UGT1A8: variants seen among roughly 807,000 people sequenced by gnomAD.
UGT1A8 encodes the protein UDP-glucuronosyltransferase 1A8.
UGT1A8 carries 39 observed loss-of-function variants against 45.3 expected under a neutral mutation model. The observed-to-expected ratio is 0.86, with a 90% CI of 0.67 to 1.12. UGT1A8 has a LOEUF of 1.12. Ranked by LOEUF, UGT1A8 falls within the 50% of genes most tolerant of loss-of-function variation. UGT1A8 has a pLI of 0.00. For missense variants in UGT1A8, 719 were observed against 664.9 expected (o/e 1.08, Z -0.90); for synonymous variants, 275 against 249.2 (o/e 1.10, Z -0.97).
chr2:233,636,124 G>A (rs947497562), intron 1 of UGT1A8, among the ~76,000 whole-genome samples: 1 of 150,962 alleles, frequency 6.6e-6, no homozygotes, highest in Admixed American at 6.6e-5. Flanking sequence ...AGAGTATTTG[G>A]TTGGCTAAAG....
chr2:233,655,605 G>C (rs1385649074), intron 1 of UGT1A8, among the ~76,000 whole-genome samples: 2 of 152,130 alleles, frequency 1.3e-5, no homozygotes, highest in Admixed American at 6.5e-5. Context: ...AAACTGTCTA[G>C]TGTGTTTCGC....
intron 1 of UGT1A8, among the ~76,000 whole-genome samples, chr2:233,735,640 G>A (rs879325223): frequency 3.9e-5 from 6 of 152,140 alleles, no homozygotes; most frequent in Admixed American, 3.9e-4. Flanking sequence ...TTTTTGCAGT[G>A]GCTGGTACTG....
intron 1 of UGT1A8, among the ~76,000 whole-genome samples, chr2:233,651,734 A>G (rs1325749268): frequency 6.6e-6 from 1 of 152,138 alleles, no homozygotes; most frequent in East Asian, 1.9e-4. Flanking sequence ...TCATAGTCTG[A>G]AGTGTCTGAT....
intron 1 of UGT1A8, among the ~76,000 whole-genome samples, chr2:233,634,436 G>A (rs1162434970): frequency 6.6e-6 from 1 of 152,092 alleles, no homozygotes; most frequent in Non-Finnish European, 1.5e-5. Context: ...ATTATTGTAT[G>A]GGAGCCTAAG....
chr2:233,772,009 A>G (rs1267109388), intron 4 of UGT1A8, among the ~76,000 whole-genome samples: 2 of 152,192 alleles, frequency 1.3e-5, no homozygotes, highest in African/African-American at 4.8e-5. Context: ...GCTACTCTGG[A>G]GGCTGAGGCA....
intron 1 of UGT1A8, among the ~76,000 whole-genome samples, chr2:233,621,133 C>T (rs532132496): frequency 6.6e-6 from 1 of 152,224 alleles, no homozygotes; most frequent in African/African-American, 2.4e-5. Flanking sequence ...GCCCCATCTC[C>T]AACGTCAGGG....
intron 1 of UGT1A8, chr2:233,738,809 G>T (rs149365680): frequency 6.6e-6 from 1 of 152,200 alleles, no homozygotes; most frequent in Non-Finnish European, 1.5e-5. Context: ...ACTAGCTAAA[G>T]AAATTTGAAT....
At chr2:233,736,365 T>C (rs969556096) in intron 1 of UGT1A8, among the ~76,000 whole-genome samples, 1 of 152,210 alleles carries the variant, frequency 6.6e-6, no homozygotes, top group Non-Finnish European at 1.5e-5. Context: ...CTCCATCAGG[T>C]CATTTAAGGT....
chr2:233,767,017 T>G lies in UGT1A8; in HGVS notation c.856-17T>G, dbSNP rs779272297. On this transcript the variant is annotated splice_polypyrimidine_tract_variant and intron_variant, in intron 1 of 4. Transcript: ENST00000373450. Reference sequence around the variant, plus strand: ...ATATGAGAAAAAATTAACTGAAAATTTTTCTTCTGGCTCTAGGAATTTGAA... The same window carrying G: ...ATATGAGAAAAAATTAACTGAAAATGTTTCTTCTGGCTCTAGGAATTTGAA... The G allele has an allele frequency of 6.2e-7, 1 of 1,613,758 alleles. No individual in the cohort carries two copies. The highest frequency in any genetic ancestry group is 8.5e-7 in the Non-Finnish European group (1 of 1,179,982).
At chr2:233,724,699 C>T (rs138869941) in intron 1 of UGT1A8, among the ~76,000 whole-genome samples, 60,257 of 142,328 alleles carry the variant, frequency 0.42, 15,342 homozygotes, top group African/African-American at 0.58. Context: ...GGTGAAGACG[C>T]TCCTCGCTTT....
intron 1 of UGT1A8, chr2:233,760,915 G>A (rs758093591): frequency 5.6e-6 from 9 of 1,614,180 alleles, no homozygotes; most frequent in Non-Finnish European, 7.6e-6. Flanking sequence ...CCTGCAGCGG[G>A]TGAAGAACAT....
chr2:233,619,832 C>G (rs1470350268), intron 1 of UGT1A8, among the ~76,000 whole-genome samples: 5 of 152,220 alleles, frequency 3.3e-5, no homozygotes, highest in African/African-American at 1.2e-4. Context: ...TAATTCCCTT[C>G]TCTGATATTT....
intron 1 of UGT1A8, among the ~76,000 whole-genome samples, chr2:233,751,911 A>T (rs1694846299): frequency 6.6e-6 from 1 of 152,190 alleles, no homozygotes; most frequent in African/African-American, 2.4e-5. Context: ...GAACAGACTA[A>T]TACAAGATTG....
rs1209957250 is a variant in UGT1A8 at position 233,691,739 on chromosome 2, T to G, written c.855+73177T>G. On this transcript the variant is annotated intron_variant, in intron 1 of 4. Coordinates refer to ENST00000373450, the MANE Select transcript of UGT1A8 (RefSeq NM_019076.5). ...GATGGGTGGCTGGGCCAGAAGCAGATACCAGGCTTTCTGACTCCTGCTCTA... is the reference window on the plus strand; with the variant it reads ...GATGGGTGGCTGGGCCAGAAGCAGAGACCAGGCTTTCTGACTCCTGCTCTA... 4 of 680,470 alleles carry G rather than the reference T, an allele frequency of 5.9e-6. No homozygotes were observed. The East Asian group carries it at 4.0e-4, about 68-fold the overall frequency. 42.2% of individuals were successfully genotyped at this position (680,470 alleles called of 1,614,324 possible). A position where few individuals can be genotyped will look rare whatever the true frequency, so the allele number is the denominator to read the frequency against.
In UGT1A8 at chr2:233,747,491, G is replaced by C. The variant is rs1270962387; in HGVS notation, c.856-19543G>C. 1.3e-5 allele frequency: 21 copies of C among 1,608,968 alleles called. No individual in the cohort carries two copies. The East Asian group carries it at 2.7e-4, about 20-fold the overall frequency. On this transcript the variant is annotated intron_variant, in intron 1 of 4. Transcript: ENST00000373450. The stretch of plus-strand genomic sequence containing the variant: ...CCCAGGATGAATTTGATCGCCTTGT[G>C]CTGGGCCACACTCAACTGTACTTTG...
At chr2:233,682,374 T>G (rs1438201790) in intron 1 of UGT1A8, 4 of 1,614,060 alleles carry the variant, frequency 2.5e-6, no homozygotes, top group Non-Finnish European at 3.4e-6. Flanking sequence ...GATGCAGTGT[T>G]TCTCGATCCT....
At chr2:233,682,048 C>T (rs1480483595) in intron 1 of UGT1A8, 1 of 1,614,002 alleles carries the variant, frequency 6.2e-7, no homozygotes, top group Non-Finnish European at 8.5e-7. Context: ...ATGGGAGCCA[C>T]TGGTTCACCA....
chr2:233,738,762 C>G (rs1262299691), intron 1 of UGT1A8, among the ~76,000 whole-genome samples: 1 of 152,182 alleles, frequency 6.6e-6, no homozygotes, highest in Non-Finnish European at 1.5e-5. Flanking sequence ...AAGAAAAACC[C>G]ATTTTATGGG....
At chr2:233,637,455 T>C (rs2073327817) in intron 1 of UGT1A8, 3 of 1,510,396 alleles carry the variant, frequency 2.0e-6, no homozygotes, top group African/African-American at 2.8e-5. Flanking sequence ...TGAACTGTGA[T>C]TTGACATTTT....
Sources: gnomAD v4.1 joint callset for allele counts (sites outside exome capture counted in the v4.1 genomes callset) on GRCh38, gnomAD v4.1.1 for gene constraint, MANE v1.5 for transcripts, NCBI Gene and HGNC (gene_info 2026-07-23, HGNC 2026-07-21) for gene names.